The following KLK7 variants were observed in gnomAD, a reference collection of about 807,000 sequenced individuals.
The protein encoded by KLK7 is kallikrein-7.
A neutral mutation model predicts 21.0 loss-of-function variants in KLK7; 17 were observed. The observed-to-expected ratio is 0.81, with a 90% CI of 0.55 to 1.21. The LOEUF (loss-of-function observed/expected upper bound fraction) is 1.21, where lower values mean the gene tolerates loss of function less well. KLK7 is among the 50% of genes most tolerant of loss of function. KLK7 has a pLI of 0.00. For missense variants in KLK7, 330 were observed against 322.8 expected (o/e 1.02, Z -0.17); for synonymous variants, 151 against 134.6 (o/e 1.12, Z -0.85).
At chr19:50,981,684 A>C in intron 3 of KLK7, 83 bp downstream of exon 3, 1 of 1,295,320 alleles carries the variant, frequency 7.7e-7, no homozygotes, top group South Asian at 1.5e-5. Context: ...ATAGAGCCGT[A>C]GGCACAGAAA....
Position 50,981,870 on chromosome 19 carries a change from A to G in KLK7, c.118T>C (p.Ser40Pro). The change falls in exon 3 of 6, where the codon TCC (serine) becomes CCC (proline). Residue 40 changes from serine to proline, a missense_variant. Transcript: ENST00000595820. ...AGCAGGGCCACCTGCCATGGGTGGG[A>G]GCCTCTTGCACATGGGGCGCCATCA... Reference protein sequence around the residue: ...IIDGAPCARGSHPWQVALLSG... With the variant: ...IIDGAPCARGPHPWQVALLSG... The G allele has an allele frequency of 6.2e-7, 1 of 1,612,356 alleles. No individual in the cohort carries two copies. Among genetic ancestry groups the G allele is most frequent in the Non-Finnish European group, 8.5e-7 (1 of 1,179,548 alleles).
intron 2 of KLK7, 134 bp from the exon 3 acceptor site, chr19:50,982,048 G>T: frequency 9.7e-7 from 1 of 1,029,492 alleles, no homozygotes; most frequent in Non-Finnish European, 1.4e-6. Context: ...GAAAGCAAGA[G>T]ATAGGGATAG....
Position 50,981,852 on chromosome 19 carries a change from C to T in KLK7, c.136G>A (p.Ala46Thr). 1 of 1,611,460 alleles carries T rather than the reference C, an allele frequency of 6.2e-7. No homozygotes were observed. The highest frequency in any genetic ancestry group is 1.1e-5 in the South Asian group (1 of 90,010). The change falls in exon 3 of 6, where the codon GCC (alanine) becomes ACC (threonine). Residue 46 changes from alanine (A) to threonine (T), a missense_variant. Coordinates refer to ENST00000595820, the MANE Select transcript of KLK7 (RefSeq NM_005046.4). ...TGGAGCTGATTGCCACTGAGCAGGGCCACCTGCCATGGGTGGGAGCCTCTT... is the reference window on the plus strand; with the variant it reads ...TGGAGCTGATTGCCACTGAGCAGGGTCACCTGCCATGGGTGGGAGCCTCTT... ...CARGSHPWQV[A>T]LLSGNQLHCG... is the part of the protein sequence containing the mutation.
At position 50,980,479 on chromosome 19, in the gene KLK7, G is replaced by T; in HGVS notation, c.230C>A (p.Thr77Asn). 6.2e-7 allele frequency: 1 copy of T among 1,613,866 alleles called. No homozygotes were observed. Reference protein sequence around the residue: ...TAAHCKMNEYTVHLGSDTLGD... With the variant: ...TAAHCKMNEYNVHLGSDTLGD... ...CAGCGTATCACTGCCCAGGTGCACG[G>T]TGTACTCACTGCGAGGAGTGACATT... Residue 77 changes from threonine (T) to asparagine (N), a missense_variant, in exon 4 of 6, where the codon ACC (threonine) becomes AAC (asparagine). Transcript: ENST00000595820.
intron 1 of KLK7, 32 bp downstream of exon 1, chr19:50,983,819 A>G (rs935979611): frequency 1.6e-5 from 21 of 1,289,088 alleles, no homozygotes; most frequent in Non-Finnish European, 2.1e-5. Context: ...CCTCTCCCCT[A>G]CAGGTGCACC....
At chr19:50,981,634 A>G in intron 3 of KLK7, 133 bp downstream of exon 3, 1 of 800,270 alleles carries the variant, frequency 1.2e-6, no homozygotes, top group Middle Eastern at 3.8e-4. Flanking sequence ...GGGGGTACAG[A>G]GGCCCAGAGA....
chr19:50,983,853 C>A lies in KLK7; in HGVS notation c.-61G>T. ...CCCTTGATGAAGCCTCTTCTCACCTCGAGAGGATCTGATGTGATCCAAGTT... is the reference window on the plus strand; with the variant it reads ...CCCTTGATGAAGCCTCTTCTCACCTAGAGAGGATCTGATGTGATCCAAGTT... On this transcript the variant is annotated splice_region_variant and 5_prime_UTR_variant, in exon 1 of 6. Transcript: ENST00000595820. The A allele has an allele frequency of 7.8e-7, 1 of 1,289,224 alleles. No individual in the cohort carries two copies. The highest frequency in any genetic ancestry group is 1.0e-6 in the Non-Finnish European group (1 of 988,764). The allele number at this position is 1,289,224 out of a possible 1,614,324, so 79.9% of individuals were successfully genotyped here.
rs777957190 is a variant in KLK7 at position 50,977,501 on chromosome 19, G to A, written c.*35C>T. The A allele has an allele frequency of 6.2e-7, 1 of 1,604,302 alleles. No individual in the cohort carries two copies. The highest frequency in any genetic ancestry group is 8.5e-7 in the Non-Finnish European group (1 of 1,171,630). On this transcript the variant is annotated 3_prime_UTR_variant, in exon 6 of 6. Coordinates refer to ENST00000595820, the MANE Select transcript of KLK7 (RefSeq NM_005046.4). ...GCGTCCTCACTCCTGTGCATTTTCT[G>A]TTGGAAGCACACAGTTAATTAACTC...
intron 5 of KLK7, 95 bp downstream of exon 5, chr19:50,979,693 G>T: frequency 2.3e-6 from 3 of 1,295,216 alleles, no homozygotes; most frequent in Non-Finnish European, 3.2e-6. Flanking sequence ...GGGCAAGGCC[G>T]GGCTTGGTAC....
At position 50,977,431 on chromosome 19, in the gene KLK7, A is replaced by T; in HGVS notation, c.*105T>A. The T allele has an allele frequency of 8.9e-7, 1 of 1,129,930 alleles. No homozygotes were observed. Among genetic ancestry groups the T allele is most frequent in the African/African-American group, 1.5e-5 (1 of 64,556 alleles). 70.0% of individuals were successfully genotyped at this position (1,129,930 alleles called of 1,614,324 possible). A position where few individuals can be genotyped will look rare whatever the true frequency, so the allele number is the denominator to read the frequency against. On this transcript the variant is annotated 3_prime_UTR_variant, in exon 6 of 6. Coordinates refer to ENST00000595820, the MANE Select transcript of KLK7 (RefSeq NM_005046.4). ...CAGGGCATGAGGTTGGTTTAAATAT[A>T]TCTTTGAGGAAAGGTAAAGTCAAAT... is the stretch of plus-strand genomic sequence containing the variant.
chr19:50,977,768 C>T (rs749971315), intron 5 of KLK7, 77 bp from the exon 6 acceptor site: 93 of 1,453,922 alleles, frequency 6.4e-5, no homozygotes, highest in Middle Eastern at 4.8e-4. Flanking sequence ...CCTCAGTTAT[C>T]GGTCTTTGTC....
At chr19:50,978,086 A>C (rs1231906115) in intron 5 of KLK7, among the ~76,000 whole-genome samples, 1 of 152,236 alleles carries the variant, frequency 6.6e-6, no homozygotes, top group African/African-American at 2.4e-5. Context: ...GACCAGTTAC[A>C]TAATTTACAG....
In KLK7 at chr19:50,982,291, C is replaced by T. The variant is rs762143631; in HGVS notation, c.73+36G>A. On this transcript the variant is annotated intron_variant, in intron 2 of 5. Transcript: ENST00000595820. ...TCCTTGGAGAGGGTCAGTGGGGGCC[C>T]TGAGGTGAGGTCAGACTTCCCAGTC... The T allele has an allele frequency of 6.3e-6, 10 of 1,596,794 alleles. No individual in the cohort carries two copies. The East Asian group carries it at 2.2e-4, about 36-fold the overall frequency.
upstream of KLK7, chr19:50,983,947 A>T (rs1568550666): frequency 7.8e-7 from 1 of 1,281,424 alleles, no homozygotes; most frequent in Non-Finnish European, 1.0e-6. Context: ...CTCTTATATC[A>T]CCCCCCGCCC....
intron 5 of KLK7, 77 bp downstream of exon 5, chr19:50,979,711 C>G (rs2091061471): frequency 2.7e-6 from 4 of 1,459,874 alleles, no homozygotes; most frequent in East Asian, 2.5e-5. Context: ...TACCCAGTCA[C>G]TCGGGTCAAG....
At chr19:50,978,145 A>G (rs2091050485) in intron 5 of KLK7, among the ~76,000 whole-genome samples, 1 of 152,238 alleles carries the variant, frequency 6.6e-6, no homozygotes, top group South Asian at 2.1e-4. Flanking sequence ...AAAATTATTG[A>G]GAATTTCAAG....
chr19:50,980,571 G>A, intron 3 of KLK7, 84 bp from the exon 4 acceptor site: 1 of 1,537,696 alleles, frequency 6.5e-7, no homozygotes, highest in South Asian at 1.2e-5. Flanking sequence ...GGTGGGGACA[G>A]AGACCCAGAG....
At chr19:50,983,463 C>T (rs2083672141) in intron 1 of KLK7, among the ~76,000 whole-genome samples, 1 of 128,362 alleles carries the variant, frequency 7.8e-6, no homozygotes, top group African/African-American at 3.0e-5. Context: ...GAGTCCAGGC[C>T]CCCAGCCCCT....
At chr19:50,978,021 G>A (rs1254033252) in intron 5 of KLK7, among the ~76,000 whole-genome samples, 1 of 152,320 alleles carries the variant, frequency 6.6e-6, no homozygotes, top group Non-Finnish European at 1.5e-5. Context: ...AGGGGTGGAT[G>A]CGTGCCCTGT....
Sources: allele counts gnomAD v4.1 joint callset (sites outside exome capture counted in the v4.1 genomes callset), GRCh38; gene constraint gnomAD v4.1.1; transcripts MANE v1.5; gene names NCBI Gene and HGNC (gene_info 2026-07-23, HGNC 2026-07-21).